TRIM9: variants seen among roughly 807,000 people sequenced by gnomAD.
TRIM9 encodes the protein tripartite motif containing 9.
In TRIM9, 26 loss-of-function variants were observed where a neutral mutation model predicts 78.3. The observed-to-expected ratio is 0.33, with a 90% CI of 0.24 to 0.46. The LOEUF (loss-of-function observed/expected upper bound fraction) is 0.46. Among genes scored for constraint, TRIM9 ranks in the 20% least tolerant of loss-of-function variants. TRIM9 has a pLI of 1.00. For synonymous variants in TRIM9, 398 were observed against 416.5 expected, an observed-to-expected ratio of 0.96 and a Z score of 0.54; for missense variants, 787 against 1,036.4, an observed-to-expected ratio of 0.76 and a Z score of 3.30.
intron 7 of TRIM9, chr14:50,988,404 G>A (rs1306415002): frequency 6.6e-6 from 1 of 152,048 alleles, no homozygotes; most frequent in East Asian, 1.9e-4. Context: ...ATAGGGTGGG[G>A]ACTGAGGGTA....
chr14:51,015,505 C>CTTTTTTTTTTTTTTTTTTTTT lies in TRIM9; in HGVS notation c.1042-5032_1042-5012dup, dbSNP rs369652663. 1.0e-3 allele frequency among the ~76,000 whole-genome samples: 64 copies of CTTTTTTTTTTTTTTTTTTTTT among 61,330 alleles called. 6 individuals carry two copies. The highest frequency in any genetic ancestry group is 2.3e-3 in the African/African-American group (34 of 14,668). 40.2% of individuals were successfully genotyped at this position (61,330 alleles called of 152,430 possible). ...AATGCTTTTTTCTTTCTTTACTTTT[C>CTTTTTTTTTTTTTTTTTTTTT]TTTTTTTTTTTTTTTTTTTTTTTTT... On this transcript the variant is annotated intron_variant, in intron 3 of 12. Coordinates refer to ENST00000684578, the MANE Select transcript of TRIM9 (RefSeq NM_001387360.1).
At chr14:50,990,639 T>C (rs1442045807) in intron 7 of TRIM9, among the ~76,000 whole-genome samples, 1 of 152,192 alleles carries the variant, frequency 6.6e-6, no homozygotes, top group South Asian at 2.1e-4. Context: ...CTTATGATAG[T>C]GTATACTAAT....
At chr14:51,006,051 C>T (rs1225228534) in intron 5 of TRIM9, among the ~76,000 whole-genome samples, 2 of 152,178 alleles carry the variant, frequency 1.3e-5, no homozygotes, top group African/African-American at 4.8e-5. Context: ...ACAATGGCGT[C>T]TATGATGAGC....
At chr14:51,048,101 A>G (rs10147256) in intron 1 of TRIM9, among the ~76,000 whole-genome samples, 151,715 of 152,388 alleles carry the variant, frequency 1, 75,532 homozygotes, top group East Asian at 1. Context: ...ACACAAGACT[A>G]TTCTCAATGT....
At chr14:51,034,286 T>G (rs1468413298) in intron 1 of TRIM9, among the ~76,000 whole-genome samples, 1 of 152,216 alleles carries the variant, frequency 6.6e-6, no homozygotes, top group South Asian at 2.1e-4. Context: ...CACTTCTAAG[T>G]GCTTCACAAA....
At chr14:51,023,570 G>A (rs2057959743) in intron 2 of TRIM9, among the ~76,000 whole-genome samples, 1 of 152,134 alleles carries the variant, frequency 6.6e-6, no homozygotes, top group South Asian at 2.1e-4. Flanking sequence ...CAGGGGAAAG[G>A]CAACTTCATA....
intron 7 of TRIM9, among the ~76,000 whole-genome samples, chr14:50,990,775 G>A (rs554375353): frequency 6.6e-6 from 1 of 152,258 alleles, no homozygotes; most frequent in South Asian, 2.1e-4. Context: ...GCACGGTAAG[G>A]CAAGACATGT....
chr14:50,980,179 G>A (rs185874129), intron 11 of TRIM9, among the ~76,000 whole-genome samples: 14 of 152,232 alleles, frequency 9.2e-5, no homozygotes, highest in African/African-American at 3.4e-4. Context: ...GAACTTGGAG[G>A]CTGTCTGTGA....
intron 1 of TRIM9, among the ~76,000 whole-genome samples, chr14:51,037,731 AC>A (rs2059270681): frequency 1.3e-5 from 2 of 152,148 alleles, no homozygotes; most frequent in Admixed American, 1.3e-4. Flanking sequence ...TTTTTCAAGA[AC>A]ATGAAAGCAA....
chr14:51,061,497 AT>A (rs1268345146), intron 1 of TRIM9, among the ~76,000 whole-genome samples: 1 of 151,402 alleles, frequency 6.6e-6, no homozygotes, highest in Non-Finnish European at 1.5e-5. Context: ...TACATGTACA[AT>A]TTTTTCCTAG....
chr14:51,079,883 G>A (rs2063144292), intron 1 of TRIM9, among the ~76,000 whole-genome samples: 2 of 152,336 alleles, frequency 1.3e-5, no homozygotes, highest in South Asian at 4.1e-4. Flanking sequence ...CATGCTTGCA[G>A]ACAGGAAGGC....
At chr14:51,053,214 C>G (rs1375876067) in intron 1 of TRIM9, among the ~76,000 whole-genome samples, 1 of 148,028 alleles carries the variant, frequency 6.8e-6, no homozygotes, top group African/African-American at 2.5e-5. Flanking sequence ...AGAGTAAAAA[C>G]AAAAGAAAAA....
chr14:51,050,426 C>T (rs142098790), intron 1 of TRIM9, among the ~76,000 whole-genome samples: 390 of 152,312 alleles, frequency 2.6e-3, no homozygotes, highest in African/African-American at 8.7e-3. Flanking sequence ...ACATGCCTTT[C>T]GCCTTCCACC....
chr14:51,021,200 A>T (rs1314734904), intron 3 of TRIM9, among the ~76,000 whole-genome samples: 1 of 152,194 alleles, frequency 6.6e-6, no homozygotes, highest in African/African-American at 2.4e-5. Context: ...CAGGTGCTGG[A>T]TACAGAAAAC....
intron 1 of TRIM9, among the ~76,000 whole-genome samples, chr14:51,062,939 C>T (rs1383220976): frequency 6.6e-6 from 1 of 152,040 alleles, no homozygotes; most frequent in Admixed American, 6.5e-5. Context: ...AAGTAGAATG[C>T]TAAGCCACAT....
At chr14:51,069,531 C>T (rs1360244193) in intron 1 of TRIM9, among the ~76,000 whole-genome samples, 1 of 152,250 alleles carries the variant, frequency 6.6e-6, no homozygotes, top group Non-Finnish European at 1.5e-5. Context: ...CTGCTCTAGG[C>T]TGCACTGAGA....
intron 1 of TRIM9, among the ~76,000 whole-genome samples, chr14:51,034,943 AC>A (rs2059013624): frequency 1.3e-5 from 2 of 152,208 alleles, no homozygotes; most frequent in African/African-American, 2.4e-5. Flanking sequence ...TGGGCAGGCT[AC>A]CCTGGCACAT....
chr14:51,038,481 GATA>G (rs1040352575), intron 1 of TRIM9, among the ~76,000 whole-genome samples: 1 of 152,060 alleles, frequency 6.6e-6, no homozygotes, highest in African/African-American at 2.4e-5. Context: ...TGCTTCACCT[GATA>G]TTTTGTAAAC....
chr14:51,063,673 G>A (rs74054024), intron 1 of TRIM9, among the ~76,000 whole-genome samples: 3,808 of 152,104 alleles, frequency 0.025, 166 homozygotes, highest in African/African-American at 0.088. Context: ...AGGAAAGATG[G>A]TAATGGAATC....
Sources: gnomAD v4.1 joint callset for allele counts (sites outside exome capture counted in the v4.1 genomes callset) on GRCh38, gnomAD v4.1.1 for gene constraint, MANE v1.5 for transcripts, NCBI Gene and HGNC (gene_info 2026-07-23, HGNC 2026-07-21) for gene names.